Variants in MCCC1 observed in about 807,000 individuals in gnomAD.
MCCC1 encodes the protein methylcrotonyl-CoA carboxylase subunit 1, also known as methylcrotonoyl-CoA carboxylase subunit alpha, mitochondrial.
A neutral mutation model predicts 83.8 loss-of-function variants in MCCC1; 64 were observed. The ratio of observed to expected loss-of-function variants is 0.76; its 90% CI spans 0.62 to 0.94. The LOEUF is 0.94. Among genes scored for constraint, MCCC1 ranks in the 40% least tolerant of loss-of-function variants. The pLI is 0.00. For missense variants in MCCC1, 807 were observed against 904.7 expected (o/e 0.89, Z 1.39); for synonymous variants, 322 against 315.4 (o/e 1.02, Z -0.22).
At chr3:183,097,910 T>A (rs758185730) in intron 1 of MCCC1, among the ~76,000 whole-genome samples, 7 of 152,082 alleles carry the variant, frequency 4.6e-5, no homozygotes, top group Non-Finnish European at 8.8e-5. Flanking sequence ...CAACTTTTTT[T>A]TTTATTTTTT....
Position 183,057,379 on chromosome 3 carries a change from C to G in MCCC1, c.805G>C (p.Val269Leu). 1 of 1,610,482 alleles carries G rather than the reference C, an allele frequency of 6.2e-7. No individual in the cohort carries two copies. The highest frequency in any genetic ancestry group is 8.5e-7 in the Non-Finnish European group (1 of 1,178,024). ...CTACAGTCTCTTTCAAACAAGTACA[C>G]AGCATTGCCATGGTGATCACCAAAC... ...QVFGDHHGNAVYLFERDCSVQ... is the reference protein window; with the variant it reads ...QVFGDHHGNALYLFERDCSVQ... The change falls in exon 8 of 19, where the codon GTG (valine) becomes CTG (leucine). Residue 269 changes from valine (V) to leucine (L), a missense_variant. Val to Leu is a conservative substitution (Grantham distance 32). Transcript: ENST00000265594.
rs1052773789 is a variant in MCCC1 at position 183,041,843 on chromosome 3, G to A, written c.1084-93C>T. 170 of 1,412,436 alleles carry A rather than the reference G, an allele frequency of 1.2e-4. 2 individuals are homozygous for A. The South Asian group carries it at 1.8e-3, about 15-fold the overall frequency. 87.5% of individuals were successfully genotyped at this position (1,412,436 alleles called of 1,614,324 possible). ...GTCTTGCTTTTTTTCTAGGTAAAATGTACATTTAGGTTTTGCAATGCAGCC... is the reference window on the plus strand; with the variant it reads ...GTCTTGCTTTTTTTCTAGGTAAAATATACATTTAGGTTTTGCAATGCAGCC... On this transcript the variant is annotated intron_variant, in intron 10 of 18. Coordinates refer to ENST00000265594, the MANE Select transcript of MCCC1 (RefSeq NM_020166.5).
At chr3:183,045,316 GTGATC>G in intron 10 of MCCC1, 92 bp downstream of exon 10, 1 of 1,436,134 alleles carries the variant, frequency 7.0e-7, no homozygotes. Flanking sequence ...CTGACCTCAG[GTGATC>G]CACCTGCCTT....
chr3:183,065,633 ATTT>A (rs35330892), intron 7 of MCCC1, among the ~76,000 whole-genome samples: 1 of 151,838 alleles, frequency 6.6e-6, no homozygotes, highest in East Asian at 1.9e-4. Context: ...AGGAATGTGG[ATTT>A]TTTTTGTCTA....
chr3:183,111,633 A>G (rs550275757), intron 1 of MCCC1, among the ~76,000 whole-genome samples: 1 of 152,306 alleles, frequency 6.6e-6, no homozygotes, highest in South Asian at 2.1e-4. Context: ...AAAGTGATAC[A>G]TGCATGTGAG....
chr3:183,104,246 C>A (rs1719371577), upstream of MCCC1, among the ~76,000 whole-genome samples: 1 of 152,212 alleles, frequency 6.6e-6, no homozygotes, highest in African/African-American at 2.4e-5. Flanking sequence ...ACTGGGAGCC[C>A]AGGCAGAAGA....
At chr3:183,040,457 T>G (rs1283001554) in intron 11 of MCCC1, among the ~76,000 whole-genome samples, 1 of 150,132 alleles carries the variant, frequency 6.7e-6, no homozygotes, top group Non-Finnish European at 1.5e-5. Context: ...ACCCCTGTAA[T>G]CCCAGCACCT....
intron 1 of MCCC1, among the ~76,000 whole-genome samples, chr3:183,113,702 C>CAA (rs199569993): frequency 6.9e-6 from 1 of 145,582 alleles, no homozygotes; most frequent in Admixed American, 6.8e-5. Flanking sequence ...GACTCTGTCT[C>CAA]AAAAAAAAAT....
At chr3:183,022,866 A>C (rs1330974540) in intron 15 of MCCC1, 1 of 201,724 alleles carries the variant, frequency 5.0e-6, no homozygotes, top group Non-Finnish European at 9.9e-6. Context: ...CAAAAATACA[A>C]ACCAAGTTAT....
intron 7 of MCCC1, among the ~76,000 whole-genome samples, chr3:183,058,778 G>A (rs894825669): frequency 3.9e-5 from 6 of 151,952 alleles, no homozygotes; most frequent in East Asian, 1.9e-4. Context: ...AATTCTTCTC[G>A]GTAGGTTTGT....
intron 1 of MCCC1, chr3:183,099,100 G>A (rs951374070): frequency 1.9e-5 from 11 of 588,830 alleles, no homozygotes; most frequent in Admixed American, 3.0e-5. Flanking sequence ...CCAGTCCTCA[G>A]AAATGGAAAA....
At chr3:183,036,571 G>T (rs1254518797) in intron 13 of MCCC1, among the ~76,000 whole-genome samples, 1 of 121,038 alleles carries the variant, frequency 8.3e-6, no homozygotes, top group Non-Finnish European at 1.7e-5. Context: ...ATGAACTCTC[G>T]CCCTGTTGTC....
At chr3:183,065,167 T>C (rs1716159908) in intron 7 of MCCC1, among the ~76,000 whole-genome samples, 1 of 152,030 alleles carries the variant, frequency 6.6e-6, no homozygotes, top group South Asian at 2.1e-4. Context: ...CTGTTTAAGA[T>C]GGCCCAGCAA....
chr3:183,092,685 A>C, intron 2 of MCCC1, 140 bp from the exon 3 acceptor site: 4 of 974,058 alleles, frequency 4.1e-6, no homozygotes, highest in Non-Finnish European at 6.2e-6. Flanking sequence ...ACTGAGCCCA[A>C]AATGACCACT....
intron 16 of MCCC1, among the ~76,000 whole-genome samples, chr3:183,020,788 C>T (rs556907786): frequency 2.0e-5 from 3 of 151,440 alleles, no homozygotes; most frequent in South Asian, 2.1e-4. Context: ...GGCTGGGCGC[C>T]GTGGCTCACG....
chr3:183,067,000 A>G (rs74343531), intron 7 of MCCC1, among the ~76,000 whole-genome samples: 9,786 of 152,330 alleles, frequency 0.064, 482 homozygotes, highest in African/African-American at 0.11. Flanking sequence ...ACTTACGGCA[A>G]TATAGTTATT....
At position 183,017,318 on chromosome 3, in the gene MCCC1, T is replaced by C. The variant is rs546755196; in HGVS notation, c.1997A>G (p.Asp666Gly). The C allele has an allele frequency of 1.2e-6, 2 of 1,613,914 alleles. No individual in the cohort carries two copies. The highest frequency in any genetic ancestry group is 2.2e-5 in the East Asian group (1 of 44,874). Reference sequence around the variant, plus strand: ...GAGGGAATCTCCCGCTTTCACTTTGTCTCCAGCTTTGACAAACACCTTGAG... The same window carrying C: ...GAGGGAATCTCCCGCTTTCACTTTGCCTCCAGCTTTGACAAACACCTTGAG... ...TIEKVFVKAG[D>G]KVKAGDSLMV... The change falls in exon 18 of 19, where the codon GAC becomes GGC. Residue 666 changes from aspartate (D) to glycine (G), a missense_variant. By Grantham distance (94) the Asp-to-Gly change is moderately conservative. Coordinates refer to ENST00000265594, the MANE Select transcript of MCCC1 (RefSeq NM_020166.5).
chr3:183,048,200 G>GA (rs1408742178), intron 9 of MCCC1, among the ~76,000 whole-genome samples: 1 of 151,966 alleles, frequency 6.6e-6, no homozygotes, highest in African/African-American at 2.4e-5. Flanking sequence ...ATGAAAGGCA[G>GA]AAAAAGTCTG....
At chr3:183,070,976 T>A (rs774722634) in intron 7 of MCCC1, 23 bp downstream of exon 7, 3 of 1,609,620 alleles carry the variant, frequency 1.9e-6, no homozygotes, top group Middle Eastern at 1.7e-4. Flanking sequence ...AAACTCTGAG[T>A]CAGAAAAATA....
Sources: gnomAD v4.1 joint callset for allele counts (sites outside exome capture counted in the v4.1 genomes callset) on GRCh38, gnomAD v4.1.1 for gene constraint, MANE v1.5 for transcripts, NCBI Gene and HGNC (gene_info 2026-07-23, HGNC 2026-07-21) for gene names.